The following PHIP variants were observed in gnomAD, a reference collection of about 807,000 sequenced individuals.
The protein encoded by PHIP is PHIP subunit of CUL4-Ring ligase complex.
Under a neutral mutation model 236.8 loss-of-function variants are expected in PHIP, and 54 were observed. The observed-to-expected ratio is 0.23, with a 90% CI of 0.18 to 0.29. PHIP has a LOEUF of 0.29. Among genes scored for constraint, PHIP ranks in the 10% least tolerant of loss-of-function variants. PHIP has a pLI of 1.00. For synonymous variants in PHIP, 756 were observed against 718.9 expected (o/e 1.05, Z -0.83); for missense variants, 1,370 against 2,190.8 (o/e 0.63, Z 7.48).
At position 78,947,163 on chromosome 6, in the gene PHIP, C is replaced by G. The variant is rs555972789; in HGVS notation, c.4207-289G>C. ...ACAAAACTTATTGTCAACTTTATTA[C>G]ACTGAAACTATCCCAAATGTTTGAA... is the stretch of plus-strand genomic sequence containing the variant. On this transcript the variant is annotated intron_variant, in intron 36 of 39. Coordinates refer to ENST00000275034, the MANE Select transcript of PHIP (RefSeq NM_017934.7). 6.6e-5 allele frequency among the ~76,000 whole-genome samples: 10 copies of G among 152,290 alleles called. No homozygotes were observed. The East Asian group carries it at 1.9e-3, about 29-fold the overall frequency.
At position 79,026,172 on chromosome 6, in the gene PHIP, T is replaced by A. The variant is rs1771390477; in HGVS notation, c.601-8A>T. ...AAGACAGTCATCAGAACCCTTAAAGTAAGAATGGATATTAATAGAATTAAC... is the reference window on the plus strand; with the variant it reads ...AAGACAGTCATCAGAACCCTTAAAGAAAGAATGGATATTAATAGAATTAAC... On this transcript the variant is annotated splice_polypyrimidine_tract_variant and splice_region_variant and intron_variant, in intron 7 of 39. Transcript: ENST00000275034. The A allele has an allele frequency of 3.2e-6, 5 of 1,572,890 alleles. No individual in the cohort carries two copies. The highest frequency in any genetic ancestry group is 1.3e-5 in the African/African-American group (1 of 74,260).
Position 79,002,072 on chromosome 6 carries a change from G to C in PHIP, c.1706C>G (p.Ala569Gly), listed in dbSNP as rs755306887. 1 of 1,613,054 alleles carries C rather than the reference G, an allele frequency of 6.2e-7. No homozygotes were observed. Among genetic ancestry groups the C allele is most frequent in the African/African-American group, 1.3e-5 (1 of 74,910 alleles). ...HSDYRPLIRD[A>G]NNFVLDEQTQ... ...CTGTTCATCTAATACAAAATTGTTG[G>C]CATCACGAATAAGTGGCCGATAATC... Residue 569 changes from alanine (A) to glycine (G), a missense_variant, in exon 17 of 40, where the codon GCC becomes GGC. Around this residue, in one of 14 missense-constraint regions of PHIP, gnomAD observed 133 missense variants for 245.2 expected, o/e 0.54. Coordinates refer to ENST00000275034, the MANE Select transcript of PHIP (RefSeq NM_017934.7).
chr6:78,961,583 T>G, intron 31 of PHIP, 107 bp downstream of exon 31: 1 of 1,010,794 alleles, frequency 9.9e-7, no homozygotes. Context: ...CATAATCTTA[T>G]GTGCATTCCT....
intron 21 of PHIP, among the ~76,000 whole-genome samples, 194 bp downstream of exon 21, chr6:78,988,015 G>C (rs1198119995): frequency 6.6e-6 from 1 of 152,116 alleles, no homozygotes; most frequent in Non-Finnish European, 1.5e-5. Context: ...AGTTTATTTT[G>C]TGGATTTGAA....
chr6:79,070,918 A>G (rs1257198810), intron 4 of PHIP, among the ~76,000 whole-genome samples: 2 of 152,314 alleles, frequency 1.3e-5, no homozygotes, highest in South Asian at 2.1e-4. Flanking sequence ...ACACCCGCAG[A>G]TAAGGAAGGC....
intron 4 of PHIP, 35 bp downstream of exon 4, chr6:79,077,412 GA>G: frequency 6.4e-7 from 1 of 1,552,452 alleles, no homozygotes; most frequent in Non-Finnish European, 8.8e-7. Flanking sequence ...TCGACTCAGG[GA>G]AAAGTTTCTT....
At position 78,978,572 on chromosome 6, in the gene PHIP, A is replaced by T. The variant is rs1176540110; in HGVS notation, c.2889+20T>A. Reference sequence around the variant, plus strand: ...AAAACTATGTGAGGAAAAATGGATAATTTAAAACTTTTAAAGTACCTCATC... The same window carrying T: ...AAAACTATGTGAGGAAAAATGGATATTTTAAAACTTTTAAAGTACCTCATC... On this transcript the variant is annotated intron_variant, in intron 24 of 39. Transcript: ENST00000275034. The T allele has an allele frequency of 6.4e-7, 1 of 1,557,112 alleles. No individual in the cohort carries two copies. The highest frequency in any genetic ancestry group is 1.2e-5 in the South Asian group (1 of 81,560).
chr6:78,984,649 T>C (rs1486826241), intron 22 of PHIP, among the ~76,000 whole-genome samples: 1 of 152,178 alleles, frequency 6.6e-6, no homozygotes, highest in Non-Finnish European at 1.5e-5. Context: ...CTACTAGATA[T>C]AACCACACAC....
At chr6:79,064,045 G>C (rs908069709) in intron 4 of PHIP, among the ~76,000 whole-genome samples, 1 of 151,854 alleles carries the variant, frequency 6.6e-6, no homozygotes, top group African/African-American at 2.4e-5. Context: ...TAAAGCTGAA[G>C]CTTTGTTTCT....
Position 78,985,552 on chromosome 6 carries a change from T to G in PHIP, c.2461-124A>C, listed in dbSNP as rs184389116. 974 of 705,244 alleles carry G rather than the reference T, an allele frequency of 1.4e-3. 2 individuals are homozygous for G. Among genetic ancestry groups the G allele is most frequent in the Non-Finnish European group, 1.9e-3 (757 of 391,108 alleles). 43.7% of individuals were successfully genotyped at this position (705,244 alleles called of 1,614,324 possible). A position where few individuals can be genotyped will look rare whatever the true frequency, so the allele number is the denominator to read the frequency against. On this transcript the variant is annotated intron_variant, in intron 21 of 39. Transcript: ENST00000275034. Reference sequence around the variant, plus strand: ...TGGGATATTTAAAATTTGATTTAAATTAGTTGCAAAGGGTGTTGTGGCTCA... The same window carrying G: ...TGGGATATTTAAAATTTGATTTAAAGTAGTTGCAAAGGGTGTTGTGGCTCA...
intron 39 of PHIP, among the ~76,000 whole-genome samples, chr6:78,941,740 A>G (rs1222392787): frequency 6.6e-6 from 1 of 152,196 alleles, no homozygotes; most frequent in East Asian, 1.9e-4. Context: ...GAAAAGTCCT[A>G]TCTCCTTGTG....
chr6:78,998,312 C>T lies in PHIP; in HGVS notation c.1959G>A (p.Glu653=). The part of the protein sequence containing the change: ...LDSMIQRLQQ[E]QDLRRSGEAV... ...CTTCACCAGAACGTCTCAGGTCTTG[C>T]TCCTGTTGTAGTCTTTGAATCATGC... The change falls in exon 18 of 40, where the codon GAG becomes GAA. Residue 653 remains glutamate, a synonymous_variant. Coordinates refer to ENST00000275034, the MANE Select transcript of PHIP (RefSeq NM_017934.7). 3 of 1,612,938 alleles carry T rather than the reference C, an allele frequency of 1.9e-6. No homozygotes were observed. Among genetic ancestry groups the T allele is most frequent in the Non-Finnish European group, 2.5e-6 (3 of 1,179,002 alleles).
At chr6:78,998,435 T>C in intron 17 of PHIP, 44 bp from the exon 18 acceptor site, 1 of 1,557,344 alleles carries the variant, frequency 6.4e-7, no homozygotes. Context: ...TTAGCTACTA[T>C]TCAAACCATT....
Position 79,025,539 on chromosome 6 carries a change from A to G in PHIP, c.903T>C (p.Asp301=). 1 of 1,605,150 alleles carries G rather than the reference A, an allele frequency of 6.2e-7. No individual in the cohort carries two copies. The highest frequency in any genetic ancestry group is 8.5e-7 in the Non-Finnish European group (1 of 1,171,942). Residue 301 remains aspartate, a synonymous_variant, in exon 9 of 40, where the codon GAT becomes GAC. Transcript: ENST00000275034. The part of the protein sequence containing the change: ...ADGTICFWLW[D]AGTLKINPRP... ...CTGACTTTATTTTAAGGGTTCCAGC[A>G]TCCCAGAGCCAAAAACAAATAGTGC...
In PHIP at chr6:79,054,342, C is replaced by CAA. The variant is rs70977758; in HGVS notation, c.439+6134_439+6135dup. Among the ~76,000 whole-genome samples, 900 of 133,714 alleles carry CAA rather than the reference C, an allele frequency of 6.7e-3. 11 individuals carry two copies. The highest frequency in any genetic ancestry group is 0.022 in the African/African-American group (779 of 35,670). The allele number at this position is 133,714 out of a possible 152,430, so 87.7% of individuals were successfully genotyped here. A position where few individuals can be genotyped will look rare whatever the true frequency, so the allele number is the denominator to read the frequency against. ...ATAACTGAGTCAACAATCATTAAAC[C>CAA]AAAAAAAAAAAAGCGAAGTATAAAA... On this transcript the variant is annotated intron_variant, in intron 6 of 39. Transcript: ENST00000275034.
intron 6 of PHIP, among the ~76,000 whole-genome samples, chr6:79,053,169 C>T (rs1457250328): frequency 1.3e-5 from 2 of 151,994 alleles, no homozygotes; most frequent in Non-Finnish European, 2.9e-5. Context: ...CAAAAATTAG[C>T]CGGGTGTGGT....
At chr6:79,033,224 T>C (rs1771759059) in intron 7 of PHIP, among the ~76,000 whole-genome samples, 1 of 152,192 alleles carries the variant, frequency 6.6e-6, no homozygotes, top group Non-Finnish European at 1.5e-5. Context: ...TAAAAAATGG[T>C]AAATGGACAC....
chr6:79,011,298 A>G (rs1770562810), intron 15 of PHIP, among the ~76,000 whole-genome samples: 1 of 151,928 alleles, frequency 6.6e-6, no homozygotes, highest in South Asian at 2.1e-4. Flanking sequence ...GTAAAGAAAT[A>G]AAAGTACTGA....
intron 24 of PHIP, among the ~76,000 whole-genome samples, chr6:78,974,234 G>A (rs964870504): frequency 3.2e-4 from 49 of 152,088 alleles, no homozygotes; most frequent in Middle Eastern, 6.8e-3. Context: ...ACTCAAAACC[G>A]CTCAACTACA....
Sources: gnomAD v4.1 joint callset for allele counts (sites outside exome capture counted in the v4.1 genomes callset) on GRCh38, gnomAD v4.1.1 for gene constraint, gnomAD v4.1.1 regional missense constraint, MANE v1.5 for transcripts, NCBI Gene and HGNC (gene_info 2026-07-23, HGNC 2026-07-21) for gene names.